Variants in TMEM71 observed in about 807,000 individuals in gnomAD.
TMEM71 encodes transmembrane protein 71.
In TMEM71, 44 loss-of-function variants were observed where a neutral mutation model predicts 38.0. The observed-to-expected ratio is 1.16, with a 90% CI of 0.91 to 1.49. The LOEUF (loss-of-function observed/expected upper bound fraction) is 1.49. Ranked by LOEUF, TMEM71 falls within the 40% of genes most tolerant of loss-of-function variation. The pLI is 0.00. For missense variants in TMEM71, 367 were observed against 348.6 expected (o/e 1.05, Z -0.42); for synonymous variants, 133 against 122.5 (o/e 1.09, Z -0.56).
In TMEM71 at chr8:132,710,002, G is replaced by C. The variant is rs1468387623; in HGVS notation, c.*965C>G. 6.6e-6 allele frequency: 1 copy of C among 151,974 alleles called. No homozygotes were observed. The highest frequency in any genetic ancestry group is 1.5e-5 in the Non-Finnish European group (1 of 68,014). The allele number at this position is 151,974 out of a possible 1,614,324, so 9.4% of individuals were successfully genotyped here. A position where few individuals can be genotyped will look rare whatever the true frequency, so the allele number is the denominator to read the frequency against. On this transcript the variant is annotated 3_prime_UTR_variant, in exon 10 of 10. Coordinates refer to ENST00000677595, the MANE Select transcript of TMEM71 (RefSeq NM_001382403.1). ...TTTTTTAACCAAAAATGTACTAAAT[G>C]CAAATTATATATAAAGTTATATTTT...
At chr8:132,750,059 A>G (rs987699241) in intron 4 of TMEM71, among the ~76,000 whole-genome samples, 10 of 152,030 alleles carry the variant, frequency 6.6e-5, no homozygotes, top group African/African-American at 2.4e-4. Flanking sequence ...AAAAAGAAAT[A>G]AAATCTGGTT....
At chr8:132,764,122 A>G (rs77617534), upstream of TMEM71, among the ~76,000 whole-genome samples, 245 of 152,294 alleles carry the variant, frequency 1.6e-3, 3 homozygotes, top group African/African-American at 5.5e-3. Flanking sequence ...TTGAACACGG[A>G]CTTGAAATCT....
intron 7 of TMEM71, 99 bp from the exon 8 acceptor site, chr8:132,714,314 A>AAAC: frequency 2.3e-6 from 2 of 888,022 alleles, no homozygotes; most frequent in Non-Finnish European, 3.7e-6. Context: ...TTCAAGGTTT[A>AAAC]CTATGAAACT....
chr8:132,726,833 T>A (rs1255981062), intron 6 of TMEM71, among the ~76,000 whole-genome samples: 1 of 152,076 alleles, frequency 6.6e-6, no homozygotes, highest in Non-Finnish European at 1.5e-5. Flanking sequence ...GTTCTTTTTG[T>A]TGTTTCCTCT....
chr8:132,774,384 T>C, the TMEM71 span, among the ~76,000 whole-genome samples: 1 of 152,256 alleles, frequency 6.6e-6, no homozygotes, highest in Admixed American at 6.5e-5. Flanking sequence ...ATCTTTTCTA[T>C]GTATCACCAT....
intron 7 of TMEM71, among the ~76,000 whole-genome samples, 193 bp downstream of exon 7, chr8:132,721,847 T>A (rs970749000): frequency 2.6e-5 from 4 of 152,062 alleles, no homozygotes; most frequent in African/African-American, 4.8e-5. Context: ...ACTTTCTAGG[T>A]TTTGTATGCT....
rs1007118277 is a variant in TMEM71, at chr8:132,720,225, T to C, written c.752+1815A>G. On this transcript the variant is annotated intron_variant, in intron 7 of 9. Transcript: ENST00000677595. ...CTGAAGAGTTACCTTTCTTACCCCC[T>C]TCCTTACTCTACTCCCTGGAAGAAG... 2.0e-5 allele frequency among the ~76,000 whole-genome samples: 3 copies of C among 152,188 alleles called. No homozygotes were observed. The East Asian group carries it at 5.8e-4, about 29-fold the overall frequency.
the TMEM71 span, among the ~76,000 whole-genome samples, chr8:132,773,398 T>C: frequency 1.3e-5 from 2 of 152,238 alleles, no homozygotes; most frequent in Non-Finnish European, 2.9e-5. Flanking sequence ...AGACCCATTG[T>C]CAAGTTCCAA....
chr8:132,722,728 G>A (rs1248293419), intron 6 of TMEM71, among the ~76,000 whole-genome samples: 2 of 152,162 alleles, frequency 1.3e-5, no homozygotes, highest in Non-Finnish European at 2.9e-5. Flanking sequence ...CATAATGGAA[G>A]TCTCTAAAGA....
downstream of TMEM71, among the ~76,000 whole-genome samples, chr8:132,708,636 A>G (rs28707736): frequency 0.28 from 42,615 of 152,204 alleles, 9,850 homozygotes; most frequent in African/African-American, 0.64. Context: ...CCTGGAAGAT[A>G]TCTGCATTCC....
chr8:132,744,687 T>G (rs1221624298), intron 5 of TMEM71, among the ~76,000 whole-genome samples: 1 of 152,116 alleles, frequency 6.6e-6, no homozygotes, highest in East Asian at 1.9e-4. Context: ...CTATTTAAAT[T>G]TCATGTGGTA....
chr8:132,752,779 A>G (rs2433059), intron 3 of TMEM71, among the ~76,000 whole-genome samples: 44,448 of 147,564 alleles, frequency 0.3, 7,109 homozygotes, highest in Non-Finnish European at 0.33. Context: ...AGAAAAAAAA[A>G]AGGGAGAGAG....
At chr8:132,759,184 A>C in intron 1 of TMEM71, 1 of 266,952 alleles carries the variant, frequency 3.7e-6, no homozygotes, top group Non-Finnish European at 7.0e-6. Context: ...GAAAATCTAG[A>C]CTTAAAAAGG....
At chr8:132,740,196 C>T (rs1280186976) in intron 5 of TMEM71, among the ~76,000 whole-genome samples, 1 of 152,108 alleles carries the variant, frequency 6.6e-6, no homozygotes, top group Non-Finnish European at 1.5e-5. Flanking sequence ...CCTACTATCC[C>T]CCCTCACTCA....
chr8:132,707,739 G>A (rs1826114149), downstream of TMEM71, among the ~76,000 whole-genome samples: 1 of 152,058 alleles, frequency 6.6e-6, no homozygotes, highest in African/African-American at 2.4e-5. Flanking sequence ...GTGATATTCT[G>A]GTACAGCAAC....
At chr8:132,771,688 G>T in the TMEM71 span, among the ~76,000 whole-genome samples, 6 of 151,480 alleles carry the variant, frequency 4.0e-5, no homozygotes, top group African/African-American at 1.5e-4. Flanking sequence ...AAGTAATCTG[G>T]AACACCCTAT....
chr8:132,723,175 A>C (rs1326670454), intron 6 of TMEM71, among the ~76,000 whole-genome samples: 1 of 152,232 alleles, frequency 6.6e-6, no homozygotes, highest in Non-Finnish European at 1.5e-5. Flanking sequence ...AAATTATGTC[A>C]CTGCAAATGT....
At chr8:132,756,166 A>T (rs1828991084) in intron 3 of TMEM71, among the ~76,000 whole-genome samples, 1 of 152,034 alleles carries the variant, frequency 6.6e-6, no homozygotes, top group Non-Finnish European at 1.5e-5. Flanking sequence ...GAGAGTCATT[A>T]AAAAAAGAAA....
chr8:132,723,951 T>A (rs968888423), intron 6 of TMEM71, among the ~76,000 whole-genome samples: 3 of 151,928 alleles, frequency 2.0e-5, no homozygotes, highest in Non-Finnish European at 4.4e-5. Flanking sequence ...CTGCCGGGGG[T>A]GACATCACAT....
Sources: allele counts gnomAD v4.1 joint callset (sites outside exome capture counted in the v4.1 genomes callset), GRCh38; gene constraint gnomAD v4.1.1; transcripts MANE v1.5; gene names NCBI Gene and HGNC (gene_info 2026-07-23, HGNC 2026-07-21).